LRRTM4: variants seen among roughly 807,000 people sequenced by gnomAD.
The protein encoded by LRRTM4 is leucine-rich repeat transmembrane neuronal protein 4.
Under a neutral mutation model 47.6 loss-of-function variants are expected in LRRTM4, and 25 were observed. The observed-to-expected ratio is 0.53, with a 90% confidence interval of 0.38 to 0.73. The LOEUF is 0.73. Among genes scored for constraint, LRRTM4 ranks in the 30% least tolerant of loss-of-function variants. The probability of loss-of-function intolerance (pLI) is 0.00; values close to 1 mark genes in which losing one functional copy is unlikely to be tolerated. For synonymous variants in LRRTM4, 311 were observed against 269.5 expected, an observed-to-expected ratio of 1.15 and a Z score of -1.51; for missense variants, 638 against 713.4, an observed-to-expected ratio of 0.89 and a Z score of 1.20.
At chr2:77,253,592 T>A (rs573261699) in intron 3 of LRRTM4, among the ~76,000 whole-genome samples, 1 of 152,086 alleles carries the variant, frequency 6.6e-6, no homozygotes, top group Admixed American at 6.6e-5. Flanking sequence ...GAAAAGGAAA[T>A]GACAACTAAC....
chr2:77,006,825 A>G (rs1440797987), intron 3 of LRRTM4, among the ~76,000 whole-genome samples: 1 of 152,216 alleles, frequency 6.6e-6, no homozygotes, highest in Non-Finnish European at 1.5e-5. Context: ...GTGGAAATCA[A>G]AGTTGAACAC....
intron 3 of LRRTM4, among the ~76,000 whole-genome samples, chr2:76,903,694 G>C (rs1436682154): frequency 1.3e-5 from 2 of 152,050 alleles, no homozygotes; most frequent in Non-Finnish European, 2.9e-5. Flanking sequence ...CTTGTAACTA[G>C]GATAAATCAA....
chr2:77,221,433 C>G (rs985964652), intron 3 of LRRTM4, among the ~76,000 whole-genome samples: 17 of 151,876 alleles, frequency 1.1e-4, no homozygotes, highest in African/African-American at 3.6e-4. Context: ...GAGTCAAGAC[C>G]CATCAGTGTG....
At chr2:77,259,898 G>C (rs1379137769) in intron 3 of LRRTM4, among the ~76,000 whole-genome samples, 2 of 152,024 alleles carry the variant, frequency 1.3e-5, no homozygotes, top group Non-Finnish European at 2.9e-5. Flanking sequence ...CCCATGTCAA[G>C]AGCCTTGTAG....
At chr2:76,903,985 T>A (rs1311390962) in intron 3 of LRRTM4, among the ~76,000 whole-genome samples, 1 of 152,206 alleles carries the variant, frequency 6.6e-6, no homozygotes, top group Non-Finnish European at 1.5e-5. Flanking sequence ...TCTTCAACTG[T>A]AGGAATCCAA....
At position 76,793,433 on chromosome 2, in the gene LRRTM4, G is replaced by C. The variant is rs141848026; in HGVS notation, c.1552-44517C>G. Among the ~76,000 whole-genome samples the C allele has an allele frequency of 6.3e-4, 95 of 151,934 alleles. No homozygotes were observed. The East Asian group carries it at 0.015, about 24-fold the overall frequency. ...TCGTTTATCAACTTCCAAAGCAAAA[G>C]AATCAAGTATTTTTTTTTCAGACTG... On this transcript the variant is annotated intron_variant, in intron 3 of 3. Transcript: ENST00000409884.
intron 3 of LRRTM4, among the ~76,000 whole-genome samples, chr2:77,094,536 T>A (rs1670753661): frequency 6.6e-6 from 1 of 152,092 alleles, no homozygotes; most frequent in Non-Finnish European, 1.5e-5. Flanking sequence ...TATATTATAA[T>A]GCTATTGTAA....
intron 3 of LRRTM4, among the ~76,000 whole-genome samples, chr2:77,114,350 A>G (rs72807267): frequency 0.13 from 19,874 of 152,202 alleles, 1,584 homozygotes; most frequent in Non-Finnish European, 0.18. Flanking sequence ...CATATTTTCC[A>G]TCGGTACCCG....
At chr2:76,819,535 C>T (rs138601865) in intron 3 of LRRTM4, among the ~76,000 whole-genome samples, 1 of 151,950 alleles carries the variant, frequency 6.6e-6, no homozygotes, top group Non-Finnish European at 1.5e-5. Context: ...AGGTGAAGTA[C>T]TTAATATATT....
chr2:76,798,774 C>A (rs1558661381), intron 3 of LRRTM4, among the ~76,000 whole-genome samples: 2 of 150,846 alleles, frequency 1.3e-5, no homozygotes, highest in African/African-American at 2.4e-5. Context: ...GGGATATCAC[C>A]ACCGATCCCA....
At chr2:77,212,710 C>T (rs912697475) in intron 3 of LRRTM4, among the ~76,000 whole-genome samples, 5 of 151,888 alleles carry the variant, frequency 3.3e-5, no homozygotes, top group Admixed American at 2.6e-4. Flanking sequence ...AAATTATTTG[C>T]TCCTCACTTT....
At chr2:77,221,004 C>A (rs1456793301) in intron 3 of LRRTM4, among the ~76,000 whole-genome samples, 5 of 152,212 alleles carry the variant, frequency 3.3e-5, no homozygotes, top group African/African-American at 1.2e-4. Context: ...AACAGCTGAT[C>A]TCTTGGCAGA....
chr2:77,385,549 C>CA (rs987375726), intron 3 of LRRTM4, among the ~76,000 whole-genome samples: 1 of 151,944 alleles, frequency 6.6e-6, no homozygotes, highest in African/African-American at 2.4e-5. Flanking sequence ...AGTTTTCTAA[C>CA]AAAAAACTTC....
chr2:77,388,992 T>G (rs1036811055), intron 3 of LRRTM4, among the ~76,000 whole-genome samples: 1 of 152,074 alleles, frequency 6.6e-6, no homozygotes, highest in Admixed American at 6.6e-5. Context: ...GTTCTAAGGA[T>G]AGTATGGATT....
At chr2:77,097,143 G>A (rs1024664318) in intron 3 of LRRTM4, among the ~76,000 whole-genome samples, 3 of 151,630 alleles carry the variant, frequency 2.0e-5, no homozygotes, top group African/African-American at 7.3e-5. Flanking sequence ...GATATGAAGA[G>A]AATTTTTATA....
At chr2:77,427,131 A>ACCACACCCAGC in intron 3 of LRRTM4, among the ~76,000 whole-genome samples, 1 of 151,934 alleles carries the variant, frequency 6.6e-6, no homozygotes. Context: ...GGTGCGCACC[A>ACCACACCCAGC]CCACACCCAG....
chr2:77,364,655 T>A (rs1369125986), intron 3 of LRRTM4, among the ~76,000 whole-genome samples: 1 of 152,064 alleles, frequency 6.6e-6, no homozygotes, highest in East Asian at 1.9e-4. Context: ...CCTCTGTGAG[T>A]CAATAGTCTG....
intron 3 of LRRTM4, among the ~76,000 whole-genome samples, chr2:77,189,159 TA>T (rs1172884640): frequency 6.6e-6 from 1 of 151,972 alleles, no homozygotes; most frequent in Non-Finnish European, 1.5e-5. Flanking sequence ...TAGTAATGAA[TA>T]AAAAGTAAAA....
intron 3 of LRRTM4, among the ~76,000 whole-genome samples, chr2:77,186,398 T>C (rs2103868518): frequency 6.6e-6 from 1 of 152,298 alleles, no homozygotes; most frequent in South Asian, 2.1e-4. Context: ...TGCACATGTC[T>C]CAGTCATCTT....
Sources: gnomAD v4.1 joint callset for allele counts (sites outside exome capture counted in the v4.1 genomes callset) on GRCh38, gnomAD v4.1.1 for gene constraint, MANE v1.5 for transcripts, NCBI Gene and HGNC (gene_info 2026-07-23, HGNC 2026-07-21) for gene names.